DCLK1: variants seen among roughly 807,000 people sequenced by gnomAD.
DCLK1 encodes the protein serine/threonine-protein kinase DCLK1.
In DCLK1, 16 loss-of-function variants were observed where a neutral mutation model predicts 86.2. That is an observed-to-expected ratio of 0.19 (90% confidence interval 0.13 to 0.28). The LOEUF (loss-of-function observed/expected upper bound fraction) is 0.28, where lower values mean the gene tolerates loss of function less well. DCLK1 is among the 10% of genes least tolerant of loss of function. DCLK1 has a pLI of 1.00. For synonymous variants in DCLK1, 369 were observed against 370.5 expected (o/e 1.00, Z 0.05); for missense variants, 590 against 940.2 (o/e 0.63, Z 4.87).
intron 3 of DCLK1, among the ~76,000 whole-genome samples, chr13:36,029,030 G>A (rs1882160470): frequency 6.6e-6 from 1 of 152,192 alleles, no homozygotes; most frequent in Non-Finnish European, 1.5e-5. Flanking sequence ...CTGACCAGCA[G>A]CCCTTGGGGC....
chr13:36,034,822 G>T (rs563002373), intron 3 of DCLK1, among the ~76,000 whole-genome samples: 1 of 152,210 alleles, frequency 6.6e-6, no homozygotes, highest in Non-Finnish European at 1.5e-5. Flanking sequence ...ACAAGAATCA[G>T]GGAAAATGGT....
At chr13:36,125,733 T>C in intron 2 of DCLK1, 29 bp downstream of exon 2, 2 of 1,590,658 alleles carry the variant, frequency 1.3e-6, no homozygotes, top group Non-Finnish European at 1.7e-6. Context: ...ACCTGTAGGG[T>C]CACGTGGGGG....
intron 3 of DCLK1, among the ~76,000 whole-genome samples, chr13:35,955,666 G>A (rs1877939888): frequency 6.6e-6 from 1 of 152,086 alleles, no homozygotes; most frequent in Non-Finnish European, 1.5e-5. Context: ...GTGTGACTTT[G>A]GACAACTATT....
chr13:35,855,531 A>G, intron 5 of DCLK1: 2 of 1,607,342 alleles, frequency 1.2e-6, no homozygotes, highest in Non-Finnish European at 1.7e-6. Context: ...TCTAACATGG[A>G]CACAGTCTTA....
At position 35,936,962 on chromosome 13, in the gene DCLK1, C is replaced by CTTTTT. The variant is rs140269668; in HGVS notation, c.823+10391_823+10395dup. ...TTAAAACATCCAAAAGAAAAGTTAG[C>CTTTTT]TTTTTTTTTTTTTTTTTTTTTTTTT... On this transcript the variant is annotated intron_variant, in intron 4 of 16. Transcript: ENST00000360631. Among the ~76,000 whole-genome samples, 33 of 65,734 alleles carry CTTTTT rather than the reference C, an allele frequency of 5.0e-4. 1 individual carries two copies. The highest frequency in any genetic ancestry group is 8.0e-4 in the Non-Finnish European group (27 of 33,708). 43.1% of individuals were successfully genotyped at this position (65,734 alleles called of 152,430 possible). A position where few individuals can be genotyped will look rare whatever the true frequency, so the allele number is the denominator to read the frequency against.
At chr13:35,813,880 T>A (rs555798253) in intron 11 of DCLK1, among the ~76,000 whole-genome samples, 37 of 145,254 alleles carry the variant, frequency 2.5e-4, no homozygotes, top group Admixed American at 2.5e-3. Context: ...ACAAGTACAT[T>A]TGAAATGCTG....
At chr13:35,962,304 T>C (rs1306445446) in intron 3 of DCLK1, among the ~76,000 whole-genome samples, 1 of 152,150 alleles carries the variant, frequency 6.6e-6, no homozygotes, top group East Asian at 1.9e-4. Context: ...TCAATATGAC[T>C]GGTGGCCTTA....
Position 35,873,576 on chromosome 13 carries a change from GGGTTTCATCATGTTGGCCAGGCT to G in DCLK1, c.824-2259_824-2237del, listed in dbSNP as rs1334880493. Among the ~76,000 whole-genome samples, 10 of 151,886 alleles carry G rather than the reference GGGTTTCATCATGTTGGCCAGGCT, an allele frequency of 6.6e-5. No homozygotes were observed. In the East Asian group the frequency reaches 1.8e-3, roughly 27 times the overall value. On this transcript the variant is annotated intron_variant, in intron 4 of 16. Coordinates refer to ENST00000360631, the MANE Select transcript of DCLK1 (RefSeq NM_001330071.2). ...AATTTTTGTATTTTTAGTAGAGGTG[GGGTTTCATCATGTTGGCCAGGCT>G]GGTTTCAAACTCCTGACCTCAAATG...
At chr13:35,929,862 T>C (rs1421054103) in intron 4 of DCLK1, among the ~76,000 whole-genome samples, 5 of 95,502 alleles carry the variant, frequency 5.2e-5, no homozygotes, top group African/African-American at 1.9e-4. Context: ...TCATTTTTTT[T>C]CTTTTTTTTT....
At chr13:36,019,464 T>G (rs9546159) in intron 3 of DCLK1, among the ~76,000 whole-genome samples, 9,213 of 152,266 alleles carry the variant, frequency 0.061, 331 homozygotes, top group African/African-American at 0.097. Context: ...AGCCTGTTTC[T>G]TCACTTACTA....
chr13:36,076,953 T>C (rs1416199566), intron 3 of DCLK1, among the ~76,000 whole-genome samples: 1 of 152,188 alleles, frequency 6.6e-6, no homozygotes, highest in Non-Finnish European at 1.5e-5. Context: ...GACCTTACCT[T>C]CCTTGTCTAT....
At chr13:35,865,914 C>G (rs1871755745) in intron 5 of DCLK1, among the ~76,000 whole-genome samples, 1 of 152,288 alleles carries the variant, frequency 6.6e-6, no homozygotes, top group South Asian at 2.1e-4. Flanking sequence ...GGGACTAATA[C>G]TTAGGCTTAT....
At chr13:36,033,824 C>G (rs547245543) in intron 3 of DCLK1, among the ~76,000 whole-genome samples, 1 of 152,280 alleles carries the variant, frequency 6.6e-6, no homozygotes, top group South Asian at 2.1e-4. Context: ...ACTAGGGAGG[C>G]TGAGGCAGGA....
intron 16 of DCLK1, among the ~76,000 whole-genome samples, chr13:35,779,985 GAA>G (rs35236408): frequency 1.4e-5 from 2 of 142,772 alleles, no homozygotes; most frequent in Non-Finnish European, 1.6e-5. Flanking sequence ...CCCCGCCCCT[GAA>G]AAAAAAAAAA....
At chr13:36,128,184 A>C (rs1255533056) in intron 1 of DCLK1, among the ~76,000 whole-genome samples, 1 of 152,178 alleles carries the variant, frequency 6.6e-6, no homozygotes, top group African/African-American at 2.4e-5. Context: ...AAGTGAAAGA[A>C]AGCAATATTT....
chr13:36,029,109 G>C (rs1882163837), intron 3 of DCLK1, among the ~76,000 whole-genome samples: 1 of 152,086 alleles, frequency 6.6e-6, no homozygotes, highest in African/African-American at 2.4e-5. Context: ...TCTCTTTATG[G>C]ATTCACCTCG....
At chr13:35,945,507 G>GA (rs1375746414) in intron 4 of DCLK1, among the ~76,000 whole-genome samples, 1 of 152,126 alleles carries the variant, frequency 6.6e-6, no homozygotes, top group Non-Finnish European at 1.5e-5. Context: ...TTGCTGGTTT[G>GA]AAAAAGACAT....
intron 4 of DCLK1, among the ~76,000 whole-genome samples, chr13:35,934,789 C>A (rs1443291862): frequency 6.6e-6 from 1 of 152,104 alleles, no homozygotes; most frequent in Non-Finnish European, 1.5e-5. Flanking sequence ...AATACAGCGA[C>A]CTTGGGCAGT....
At chr13:35,923,655 T>C (rs1875936834) in intron 4 of DCLK1, among the ~76,000 whole-genome samples, 1 of 151,896 alleles carries the variant, frequency 6.6e-6, no homozygotes, top group Admixed American at 6.6e-5. Flanking sequence ...TGGCCCTGAG[T>C]TGTATTTCAG....
Sources: allele counts gnomAD v4.1 joint callset (sites outside exome capture counted in the v4.1 genomes callset), GRCh38; gene constraint gnomAD v4.1.1; transcripts MANE v1.5; gene names NCBI Gene and HGNC (gene_info 2026-07-23, HGNC 2026-07-21).